ST18: variants seen among roughly 807,000 people sequenced by gnomAD.
The protein encoded by ST18 is ST18 C2H2C-type zinc finger transcription factor, also known as suppression of tumorigenicity 18 protein.
Under a neutral mutation model 110.0 loss-of-function variants are expected in ST18, and 50 were observed. That is an observed-to-expected ratio of 0.45 (90% CI 0.36 to 0.58). The LOEUF is 0.58. Among genes scored for constraint, ST18 ranks in the 20% least tolerant of loss-of-function variants. The pLI, the probability that ST18 is intolerant of heterozygous loss-of-function variation, is 0.00. For synonymous variants in ST18, 461 were observed against 452.4 expected (o/e 1.02, Z -0.24); for missense variants, 1,306 against 1,280.1 (o/e 1.02, Z -0.31).
At chr8:52,385,733 A>G (rs1239264093) in intron 2 of ST18, among the ~76,000 whole-genome samples, 2 of 152,070 alleles carry the variant, frequency 1.3e-5, no homozygotes, top group African/African-American at 4.8e-5. Context: ...AAAAAAAAAA[A>G]AGACTTTTCC....
chr8:52,133,308 GGCACAGGAAGA>G lies in ST18; in HGVS notation c.2301-18_2301-8del. ...GCAGCCTGGGGTTGGACACCTGGAAGGCACAGGAAGAGAGCATGGGCTGAGAAGTTGTAGTT... is the reference window on the plus strand; with the variant it reads ...GCAGCCTGGGGTTGGACACCTGGAAGGAGCATGGGCTGAGAAGTTGTAGTT... On this transcript the variant is annotated splice_region_variant and splice_polypyrimidine_tract_variant and intron_variant, in intron 19 of 25. Coordinates refer to ENST00000689386, the MANE Select transcript of ST18 (RefSeq NM_001352837.2). 6.2e-7 allele frequency: 1 copy of G among 1,614,150 alleles called. No homozygotes were observed. Among genetic ancestry groups the G allele is most frequent in the Non-Finnish European group, 8.5e-7 (1 of 1,180,030 alleles).
intron 5 of ST18, chr8:52,220,539 T>G (rs1328366697): frequency 6.8e-6 from 1 of 146,838 alleles, no homozygotes; most frequent in Non-Finnish European, 1.5e-5. Context: ...TCAGAGGACT[T>G]TGCCTATTTA....
chr8:52,368,441 C>T (rs1038223783), intron 2 of ST18, among the ~76,000 whole-genome samples: 7 of 152,110 alleles, frequency 4.6e-5, no homozygotes, highest in African/African-American at 1.7e-4. Flanking sequence ...CATTTAGTTC[C>T]ACAACACAAT....
chr8:52,366,319 C>T (rs1050353839), intron 2 of ST18, among the ~76,000 whole-genome samples: 2 of 152,082 alleles, frequency 1.3e-5, no homozygotes, highest in Admixed American at 6.5e-5. Flanking sequence ...CTCTCTACAG[C>T]GAGCAGAGGC....
At chr8:52,323,102 G>A (rs756581698) in intron 2 of ST18, among the ~76,000 whole-genome samples, 13 of 152,154 alleles carry the variant, frequency 8.5e-5, no homozygotes, top group Admixed American at 1.3e-4. Flanking sequence ...TCTACATAAT[G>A]GCTATGTTCA....
chr8:52,198,391 C>T (rs544081809), intron 8 of ST18, among the ~76,000 whole-genome samples: 67 of 152,280 alleles, frequency 4.4e-4, no homozygotes, highest in South Asian at 1.5e-3. Flanking sequence ...TAAATATAGG[C>T]TCCTTTTTTA....
chr8:52,142,420 A>G (rs1356979763), intron 17 of ST18, among the ~76,000 whole-genome samples: 1 of 152,244 alleles, frequency 6.6e-6, no homozygotes, highest in Non-Finnish European at 1.5e-5. Flanking sequence ...ATAGATTTAT[A>G]TATGAGTAGA....
chr8:52,150,872 A>G (rs1483824984), intron 15 of ST18: 1 of 152,152 alleles, frequency 6.6e-6, no homozygotes, highest in Non-Finnish European at 1.5e-5. Context: ...GCTCCAGCAA[A>G]CTGCTCACGT....
chr8:52,364,705 A>G (rs150554722), intron 2 of ST18, among the ~76,000 whole-genome samples: 30 of 152,310 alleles, frequency 2.0e-4, no homozygotes, highest in African/African-American at 5.8e-4. Flanking sequence ...AGATTTTGGC[A>G]GCTACAGAGG....
At chr8:52,260,270 C>T (rs962774765) in intron 2 of ST18, among the ~76,000 whole-genome samples, 1 of 150,300 alleles carries the variant, frequency 6.7e-6, no homozygotes, top group Non-Finnish European at 1.5e-5. Flanking sequence ...CCTATGGCTG[C>T]ATCTATATTT....
In ST18 at chr8:52,171,781, A is replaced by G. The variant is rs369096113; in HGVS notation, c.1069+11T>C. 6.9e-6 allele frequency: 11 copies of G among 1,603,684 alleles called. No individual in the cohort carries two copies. The highest frequency in any genetic ancestry group is 1.1e-5 in the South Asian group (1 of 89,284). ...TTTTATTCCTAAAATAAATGCAAAA[A>G]TGTGTCTTACGTTTATTGTTAAAGA... On this transcript the variant is annotated intron_variant, in intron 10 of 25. Coordinates refer to ENST00000689386, the MANE Select transcript of ST18 (RefSeq NM_001352837.2).
Position 52,172,503 on chromosome 8 carries a change from A to G in ST18, c.358T>C (p.Ser120Pro), listed in dbSNP as rs138654080. 3 of 1,613,596 alleles carry G rather than the reference A, an allele frequency of 1.9e-6. No individual in the cohort carries two copies. The highest frequency in any genetic ancestry group is 2.7e-5 in the African/African-American group (2 of 74,922). ...ENSSRKEDRY[S>P]CYQELMVKSL... ...TTGACCATGAGCTCTTGATAACAAG[A>G]GTATCTGTCTTCCTTCCTACTGGAG... The change falls in exon 10 of 26, where the codon TCT becomes CCT. Residue 120 changes from serine (S) to proline (P), a missense_variant. Physicochemically the swap from Ser to Pro is moderately conservative, Grantham distance 74 (BLOSUM62 -1). Transcript: ENST00000689386.
chr8:52,345,980 G>T (rs1817553025), intron 2 of ST18, among the ~76,000 whole-genome samples: 1 of 151,902 alleles, frequency 6.6e-6, no homozygotes, highest in South Asian at 2.1e-4. Context: ...TTAGTTATAT[G>T]AAAAAATAAT....
At chr8:52,395,165 C>A (rs1840677067) in intron 2 of ST18, among the ~76,000 whole-genome samples, 1 of 152,226 alleles carries the variant, frequency 6.6e-6, no homozygotes. Context: ...CCACCACCAT[C>A]TCTCCTGTAC....
chr8:52,395,719 G>A (rs2141026644), intron 2 of ST18, among the ~76,000 whole-genome samples: 1 of 152,262 alleles, frequency 6.6e-6, no homozygotes, highest in South Asian at 2.1e-4. Flanking sequence ...CCTGGCCACT[G>A]GCCAAACCTG....
chr8:52,353,260 T>A (rs2140340623), intron 2 of ST18, among the ~76,000 whole-genome samples: 1 of 152,360 alleles, frequency 6.6e-6, no homozygotes, highest in Admixed American at 6.5e-5. Context: ...ACTTTACATG[T>A]TTTTGTCTAA....
At chr8:52,340,397 T>C (rs1315667462) in intron 2 of ST18, among the ~76,000 whole-genome samples, 1 of 152,202 alleles carries the variant, frequency 6.6e-6, no homozygotes, top group Non-Finnish European at 1.5e-5. Flanking sequence ...AACTACTCAG[T>C]CTTCCTTCTG....
chr8:52,303,302 CCA>C (rs1348421488), intron 2 of ST18, among the ~76,000 whole-genome samples: 3 of 152,250 alleles, frequency 2.0e-5, no homozygotes, highest in African/African-American at 7.2e-5. Context: ...ATGCATCCCT[CCA>C]GTCTTTGCCT....
chr8:52,253,586 A>C (rs1049899492), intron 2 of ST18, among the ~76,000 whole-genome samples: 6 of 152,156 alleles, frequency 3.9e-5, no homozygotes, highest in African/African-American at 1.4e-4. Context: ...CCTTATGTAT[A>C]GCTACTATCA....
Sources: gnomAD v4.1 joint callset for allele counts (sites outside exome capture counted in the v4.1 genomes callset) on GRCh38, gnomAD v4.1.1 for gene constraint, MANE v1.5 for transcripts, NCBI Gene and HGNC (gene_info 2026-07-23, HGNC 2026-07-21) for gene names.